SHCBP1L: variants seen among roughly 807,000 people sequenced by gnomAD.
SHCBP1L encodes SHC binding and spindle associated 1 like.
A neutral mutation model predicts 62.5 loss-of-function variants in SHCBP1L; 67 were observed. The ratio of observed to expected loss-of-function variants is 1.07; its 90% confidence interval spans 0.88 to 1.31. The LOEUF is 1.31. Ranked by LOEUF, SHCBP1L falls within the 40% of genes most tolerant of loss-of-function variation. The pLI, the probability that SHCBP1L is intolerant of heterozygous loss-of-function variation, is 0.00. For synonymous variants in SHCBP1L, 284 were observed against 289.4 expected (o/e 0.98, Z 0.19); for missense variants, 823 against 809.8 (o/e 1.02, Z -0.20).
At chr1:182,944,682 C>T (rs187353959) in intron 2 of SHCBP1L, among the ~76,000 whole-genome samples, 14 of 152,134 alleles carry the variant, frequency 9.2e-5, no homozygotes, top group Admixed American at 7.9e-4. Context: ...CCAGTTTTGG[C>T]ATTGGATATT....
chr1:182,908,237 A>ATAGG, intron 6 of SHCBP1L, among the ~76,000 whole-genome samples: 1 of 152,284 alleles, frequency 6.6e-6, no homozygotes, highest in East Asian at 1.9e-4. Flanking sequence ...ATAGTACCCG[A>ATAGG]TAGGTAGTTT....
chr1:182,948,643 T>C (rs892008538), intron 2 of SHCBP1L, among the ~76,000 whole-genome samples: 6 of 152,184 alleles, frequency 3.9e-5, no homozygotes, highest in African/African-American at 1.4e-4. Context: ...CCTACAGAGT[T>C]GTAAGATAAT....
At chr1:182,931,511 G>A (rs1350222730) in intron 5 of SHCBP1L, among the ~76,000 whole-genome samples, 1 of 152,040 alleles carries the variant, frequency 6.6e-6, no homozygotes, top group African/African-American at 2.4e-5. Flanking sequence ...CATCATACTG[G>A]TAAGTTTCCT....
intron 2 of SHCBP1L, among the ~76,000 whole-genome samples, chr1:182,944,091 A>T (rs969488510): frequency 2.1e-5 from 3 of 145,642 alleles, no homozygotes; most frequent in African/African-American, 7.9e-5. Context: ...ACTGCACTCC[A>T]GCCTGGGCAA....
In SHCBP1L at chr1:182,942,213, C is replaced by T. The variant is rs1201329519; in HGVS notation, c.556-1670G>A. 30 of 1,344,932 alleles carry T rather than the reference C, an allele frequency of 2.2e-5. 2 individuals carry two copies. In the Admixed American group the frequency reaches 4.7e-4, roughly 21 times the overall value. The allele number at this position is 1,344,932 out of a possible 1,614,324, so 83.3% of individuals were successfully genotyped here. A position where few individuals can be genotyped will look rare whatever the true frequency, so the allele number is the denominator to read the frequency against. ...TCTTTAGTTTCTTGGTTAGCCACTT[C>T]GGCCTGTTTTCCCTTTGCTCCCCTT... is the stretch of plus-strand genomic sequence containing the variant. On this transcript the variant is annotated intron_variant, in intron 2 of 9. Transcript: ENST00000367547.
intron 6 of SHCBP1L, among the ~76,000 whole-genome samples, chr1:182,915,872 T>C (rs993020959): frequency 2.6e-5 from 4 of 150,948 alleles, no homozygotes; most frequent in African/African-American, 4.9e-5. Flanking sequence ...AGTGGCGCGA[T>C]CTCGGCTCAC....
At chr1:182,917,066 C>A (rs1018063281) in intron 6 of SHCBP1L, among the ~76,000 whole-genome samples, 1 of 152,042 alleles carries the variant, frequency 6.6e-6, no homozygotes, top group African/African-American at 2.4e-5. Flanking sequence ...AAAGAATTAA[C>A]ACCAATCTTT....
chr1:182,912,578 A>T (rs1209140541), intron 6 of SHCBP1L, among the ~76,000 whole-genome samples: 2 of 151,636 alleles, frequency 1.3e-5, no homozygotes, highest in African/African-American at 4.8e-5. Context: ...GCTGCAGTGC[A>T]GTGGCGCAAT....
At chr1:182,914,449 A>G (rs1387683823) in intron 6 of SHCBP1L, among the ~76,000 whole-genome samples, 2 of 152,234 alleles carry the variant, frequency 1.3e-5, no homozygotes, top group Admixed American at 6.5e-5. Flanking sequence ...TTGTAAATCC[A>G]TGCTAATGGG....
At chr1:182,913,620 G>A (rs1446382153) in intron 6 of SHCBP1L, among the ~76,000 whole-genome samples, 1 of 152,190 alleles carries the variant, frequency 6.6e-6, no homozygotes, top group Non-Finnish European at 1.5e-5. Context: ...TCCAAGAAGT[G>A]TAATGGACTT....
rs753928375 is a variant in SHCBP1L, at chr1:182,903,160, C to T, written c.1589G>A (p.Gly530Asp). 5 of 1,539,240 alleles carry T rather than the reference C, an allele frequency of 3.2e-6. No homozygotes were observed. The highest frequency in any genetic ancestry group is 4.4e-6 in the Non-Finnish European group (5 of 1,146,152). Residue 530 changes from glycine to aspartate, a missense_variant and splice_region_variant, in exon 9 of 10, where the codon GGT becomes GAT. Physicochemically the swap from Gly to Asp is moderately conservative, Grantham distance 94. Coordinates refer to ENST00000367547, the MANE Select transcript of SHCBP1L (RefSeq NM_030933.4). ...TCCAGGATACAGTTCAACACCAGCA[C>T]CCTGTAAATTAAAAGCAAATAAAAC... ...ITDSEITGAQ[G>D]AGVELYPGSI...
At chr1:182,937,911 C>T (rs1025422198) in intron 5 of SHCBP1L, among the ~76,000 whole-genome samples, 13 of 152,006 alleles carry the variant, frequency 8.6e-5, no homozygotes, top group Non-Finnish European at 1.9e-4. Flanking sequence ...TTTTTCTTGC[C>T]TTTTAGCATG....
chr1:182,916,656 CT>C (rs1650365476), intron 6 of SHCBP1L, among the ~76,000 whole-genome samples: 1 of 152,012 alleles, frequency 6.6e-6, no homozygotes. Context: ...ATACAAATTC[CT>C]AGAAACACAC....
At chr1:182,916,575 T>C (rs1285062868) in intron 6 of SHCBP1L, among the ~76,000 whole-genome samples, 12 of 152,118 alleles carry the variant, frequency 7.9e-5, no homozygotes, top group Admixed American at 7.9e-4. Flanking sequence ...GATTATACTA[T>C]CATTATATGT....
chr1:182,915,193 A>AAAAAAAAT (rs1650317638), intron 6 of SHCBP1L, among the ~76,000 whole-genome samples: 1 of 145,216 alleles, frequency 6.9e-6, no homozygotes. Context: ...AAAAAAAAAA[A>AAAAAAAAT]AAGAATCTCA....
At chr1:182,951,624 C>T (rs969874802) in intron 1 of SHCBP1L, among the ~76,000 whole-genome samples, 157 bp from the exon 2 acceptor site, 7 of 151,124 alleles carry the variant, frequency 4.6e-5, no homozygotes, top group African/African-American at 1.7e-4. Context: ...TAACTGAAAC[C>T]GCATCTAGTG....
chr1:182,915,816 T>TC (rs1017105431), intron 6 of SHCBP1L, among the ~76,000 whole-genome samples: 3 of 151,218 alleles, frequency 2.0e-5, no homozygotes, highest in Admixed American at 1.3e-4. Context: ...CTTTTTTTTT[T>TC]TTTTTTTTGA....
At chr1:182,901,928 A>C (rs1649851934) in intron 9 of SHCBP1L, among the ~76,000 whole-genome samples, 1 of 152,240 alleles carries the variant, frequency 6.6e-6, no homozygotes, top group Non-Finnish European at 1.5e-5. Context: ...ATTCTGATGC[A>C]TGCTAACATT....
intron 2 of SHCBP1L, among the ~76,000 whole-genome samples, chr1:182,945,889 A>G (rs1651551078): frequency 6.6e-6 from 1 of 152,152 alleles, no homozygotes; most frequent in African/African-American, 2.4e-5. Context: ...GTGAAACCCC[A>G]TCTCTACTAA....
Sources: gnomAD v4.1 joint callset for allele counts (sites outside exome capture counted in the v4.1 genomes callset) on GRCh38, gnomAD v4.1.1 for gene constraint, MANE v1.5 for transcripts, NCBI Gene and HGNC (gene_info 2026-07-23, HGNC 2026-07-21) for gene names.